The following ZEB1 variants were observed in gnomAD, a reference collection of about 807,000 sequenced individuals.
The protein encoded by ZEB1 is zinc finger E-box binding homeobox 1.
ZEB1 carries 21 observed loss-of-function variants against 84.9 expected under a neutral mutation model. The ratio of observed to expected loss-of-function variants is 0.25; its 90% CI spans 0.18 to 0.36. The LOEUF is 0.36. Ranked by LOEUF, ZEB1 falls within the 10% of genes least tolerant of loss-of-function variation. ZEB1 has a pLI of 1.00. For missense variants in ZEB1, 1,104 were observed against 1,330.2 expected, an observed-to-expected ratio of 0.83 and a Z score of 2.65; for synonymous variants, 420 against 471.1, an observed-to-expected ratio of 0.89 and a Z score of 1.41.
chr10:31,504,222 T>A (rs1423587311), intron 4 of ZEB1, among the ~76,000 whole-genome samples: 2 of 151,990 alleles, frequency 1.3e-5, no homozygotes, highest in Non-Finnish European at 2.9e-5. Flanking sequence ...TGTGTCCTTT[T>A]CCTGGTGTAT....
chr10:31,402,044 T>C (rs1236280825), intron 1 of ZEB1, among the ~76,000 whole-genome samples: 1 of 152,000 alleles, frequency 6.6e-6, no homozygotes, highest in Non-Finnish European at 1.5e-5. Context: ...GTACCTTGAA[T>C]ACCAGATTAA....
chr10:31,385,663 G>C (rs1298365993), intron 1 of ZEB1, among the ~76,000 whole-genome samples: 2 of 151,888 alleles, frequency 1.3e-5, no homozygotes, highest in African/African-American at 4.8e-5. Flanking sequence ...AAGTAACTGG[G>C]ATTACAGGCG....
chr10:31,360,653 T>G (rs1322376380), intron 1 of ZEB1, among the ~76,000 whole-genome samples: 2 of 152,220 alleles, frequency 1.3e-5, no homozygotes, highest in African/African-American at 4.8e-5. Flanking sequence ...AAAATATAAA[T>G]TTAGATGCAA....
chr10:31,445,531 A>G (rs1408431589), intron 1 of ZEB1, among the ~76,000 whole-genome samples: 1 of 151,778 alleles, frequency 6.6e-6, no homozygotes, highest in African/African-American at 2.4e-5. Context: ...TTGCCCATTC[A>G]GTATGATATT....
In ZEB1 at chr10:31,386,035, T is replaced by C. The variant is rs182270586; in HGVS notation, c.58+66743T>C. ...ATCTTCTGATTTTAATTTAATATTA[T>C]GGTAATGATTTACTTAGGCAGAATT... On this transcript the variant is annotated intron_variant, in intron 1 of 8. Coordinates refer to ENST00000424869, the MANE Select transcript of ZEB1 (RefSeq NM_001174096.2). 2.2e-3 allele frequency among the ~76,000 whole-genome samples: 331 copies of C among 152,284 alleles called. 1 individual carries two copies. Among genetic ancestry groups the C allele is most frequent in the African/African-American group, 7.7e-3 (320 of 41,586 alleles).
chr10:31,333,522 G>A lies in ZEB1; in HGVS notation c.58+14230G>A, dbSNP rs373319842. Reference sequence around the variant, plus strand: ...ACGGGTAGGCTTGGTAAGTTTTAACGCATGTTAAAATTTCTAAGATAAGGA... The same window carrying A: ...ACGGGTAGGCTTGGTAAGTTTTAACACATGTTAAAATTTCTAAGATAAGGA... On this transcript the variant is annotated intron_variant, in intron 1 of 8. Transcript: ENST00000424869. Among the ~76,000 whole-genome samples, 84 of 151,996 alleles carry A rather than the reference G, an allele frequency of 5.5e-4. 2 individuals are homozygous for A. The highest frequency in any genetic ancestry group is 1.8e-3 in the African/African-American group (75 of 41,486).
rs1457440483 is a variant in ZEB1 at position 31,345,185 on chromosome 10, A to T, written c.58+25893A>T. On this transcript the variant is annotated intron_variant, in intron 1 of 8. Transcript: ENST00000424869. The stretch of plus-strand genomic sequence containing the variant: ...TCACTAAACCATTTATGTACTTAGC[A>T]TTTTTGTTGACTAGTCTTTTCATTT... Among the ~76,000 whole-genome samples, 3 of 152,004 alleles carry T rather than the reference A, an allele frequency of 2.0e-5. No homozygotes were observed. In the East Asian group the frequency reaches 5.8e-4, roughly 29 times the overall value.
At chr10:31,497,873 T>C (rs2067471450) in intron 3 of ZEB1, among the ~76,000 whole-genome samples, 1 of 151,620 alleles carries the variant, frequency 6.6e-6, no homozygotes, top group Non-Finnish European at 1.5e-5. Flanking sequence ...GTTTCAAACA[T>C]GGAGGATAAA....
chr10:31,466,989 C>A (rs538376049), intron 2 of ZEB1, among the ~76,000 whole-genome samples: 1 of 152,174 alleles, frequency 6.6e-6, no homozygotes, highest in South Asian at 2.1e-4. Context: ...ATTGAGTAAA[C>A]CCTCACACTT....
At chr10:31,522,766 A>G (rs1405547715) in intron 7 of ZEB1, among the ~76,000 whole-genome samples, 1 of 152,198 alleles carries the variant, frequency 6.6e-6, no homozygotes, top group Non-Finnish European at 1.5e-5. Flanking sequence ...ATTTTATGCA[A>G]ATATTTTCTA....
intron 2 of ZEB1, among the ~76,000 whole-genome samples, chr10:31,475,509 G>T (rs1415564542): frequency 6.6e-6 from 1 of 152,094 alleles, no homozygotes; most frequent in African/African-American, 2.4e-5. Flanking sequence ...GCTATTCAAA[G>T]TCAATATGAA....
At chr10:31,505,556 A>G (rs2068833841) in intron 4 of ZEB1, among the ~76,000 whole-genome samples, 1 of 151,658 alleles carries the variant, frequency 6.6e-6, no homozygotes, top group Non-Finnish European at 1.5e-5. Context: ...CAGTTTTTTC[A>G]TGTATAGTTG....
intron 6 of ZEB1, 68 bp downstream of exon 6, chr10:31,514,776 C>T (rs1473550317): frequency 1.1e-5 from 14 of 1,282,812 alleles, no homozygotes; most frequent in Non-Finnish European, 1.3e-5. Context: ...AATATCATAA[C>T]ATGTAATCTA....
At chr10:31,402,957 G>A (rs189131523) in intron 1 of ZEB1, among the ~76,000 whole-genome samples, 2 of 152,116 alleles carry the variant, frequency 1.3e-5, no homozygotes, top group African/African-American at 4.8e-5. Flanking sequence ...GGCTCTATTT[G>A]TTATTAGCTG....
chr10:31,359,794 A>G (rs931605068), intron 1 of ZEB1, among the ~76,000 whole-genome samples: 1 of 152,174 alleles, frequency 6.6e-6, no homozygotes, highest in African/African-American at 2.4e-5. Flanking sequence ...ACAAACACCT[A>G]TCTTCTTTGA....
At chr10:31,439,886 G>C (rs1371790159) in intron 1 of ZEB1, among the ~76,000 whole-genome samples, 5 of 152,146 alleles carry the variant, frequency 3.3e-5, no homozygotes, top group Non-Finnish European at 1.5e-5. Flanking sequence ...CAGTGAATAG[G>C]ATGGGAAGTC....
intron 1 of ZEB1, among the ~76,000 whole-genome samples, chr10:31,450,806 A>G (rs1367124142): frequency 6.6e-6 from 1 of 151,982 alleles, no homozygotes; most frequent in Non-Finnish European, 1.5e-5. Context: ...ATATTAAGTA[A>G]TGTTTGCTTC....
intron 1 of ZEB1, among the ~76,000 whole-genome samples, chr10:31,364,810 A>T (rs553128747): frequency 6.6e-6 from 1 of 152,282 alleles, no homozygotes; most frequent in Admixed American, 6.5e-5. Flanking sequence ...ATGATCATGG[A>T]TACAGCATCT....
chr10:31,526,570 A>C (rs1488691086), intron 8 of ZEB1, 102 bp from the exon 9 acceptor site: 1 of 1,395,352 alleles, frequency 7.2e-7, no homozygotes, highest in Non-Finnish European at 9.8e-7. Context: ...AAATGAAACT[A>C]ATAACCCTCC....
Sources: gnomAD v4.1 joint callset for allele counts (sites outside exome capture counted in the v4.1 genomes callset) on GRCh38, gnomAD v4.1.1 for gene constraint, MANE v1.5 for transcripts, NCBI Gene and HGNC (gene_info 2026-07-23, HGNC 2026-07-21) for gene names.